The following ASB3 variants were observed in gnomAD, a reference collection of about 807,000 sequenced individuals.
ASB3 encodes ankyrin repeat and SOCS box containing 3.
In ASB3, 41 loss-of-function variants were observed where a neutral mutation model predicts 54.5. The ratio of observed to expected loss-of-function variants is 0.75; its 90% CI spans 0.59 to 0.98. The LOEUF (loss-of-function observed/expected upper bound fraction) is 0.98. ASB3 is among the 50% of genes least tolerant of loss of function. The pLI is 0.00. For synonymous variants in ASB3, 266 were observed against 221.2 expected (o/e 1.20, Z -1.80); for missense variants, 733 against 620.0 (o/e 1.18, Z -1.94).
Position 53,704,656 on chromosome 2 carries a change from C to A in ASB3, c.981-4128G>T, listed in dbSNP as rs561791696. Among the ~76,000 whole-genome samples the A allele has an allele frequency of 3.3e-5, 5 of 152,184 alleles. No homozygotes were observed. In the South Asian group the frequency reaches 1.0e-3, roughly 32 times the overall value. ...CTTGCTTAATTGGAAAAGCTTCATA[C>A]AGAAACTCAAAATGAATAAGTCTCA... On this transcript the variant is annotated intron_variant, in intron 7 of 9. Coordinates refer to ENST00000263634, the MANE Select transcript of ASB3 (RefSeq NM_016115.5).
intron 7 of ASB3, among the ~76,000 whole-genome samples, chr2:53,701,143 T>C (rs1214931844): frequency 6.6e-6 from 1 of 152,158 alleles, no homozygotes; most frequent in Non-Finnish European, 1.5e-5. Flanking sequence ...CTGGCTAATT[T>C]TTAAATTTTT....
At chr2:53,742,256 G>A (rs942863685) in intron 3 of ASB3, among the ~76,000 whole-genome samples, 10 of 152,044 alleles carry the variant, frequency 6.6e-5, no homozygotes, top group African/African-American at 2.4e-4. Flanking sequence ...TGAGTCTAAA[G>A]GAAAACTCCA....
At chr2:53,724,441 T>C (rs1345865854) in intron 5 of ASB3, among the ~76,000 whole-genome samples, 1 of 151,704 alleles carries the variant, frequency 6.6e-6, no homozygotes, top group Non-Finnish European at 1.5e-5. Context: ...CTACTAAAAA[T>C]ACAAAAAATT....
intron 8 of ASB3, 180 bp from the exon 9 acceptor site, chr2:53,694,194 C>A: frequency 1.7e-6 from 1 of 598,658 alleles, no homozygotes; most frequent in Non-Finnish European, 2.7e-6. Flanking sequence ...CAATCATCTA[C>A]AGGTTCCTAT....
At chr2:53,749,259 A>G (rs1016557828) in intron 3 of ASB3, among the ~76,000 whole-genome samples, 1 of 152,056 alleles carries the variant, frequency 6.6e-6, no homozygotes, top group East Asian at 1.9e-4. Flanking sequence ...AGATACTACT[A>G]AACCTCCATT....
chr2:53,714,388 T>C lies in ASB3; in HGVS notation c.976A>G (p.Lys326Glu). The C allele has an allele frequency of 1.9e-6, 3 of 1,614,144 alleles. No homozygotes were observed. Among genetic ancestry groups the C allele is most frequent in the Admixed American group, 3.3e-5 (2 of 60,006 alleles). Residue 326 changes from lysine to glutamate, a missense_variant, in exon 7 of 10, where the codon AAG becomes GAG. Physicochemically the swap from Lys to Glu is moderately conservative, Grantham distance 56. Coordinates refer to ENST00000263634, the MANE Select transcript of ASB3 (RefSeq NM_016115.5). ...FSSPVCMAFQ[K>E]DCEFFGIVNI... ...AAACATAGCAAATATACATACTCCT[T>C]TTGGAAAGCCATGCACACAGGAGAA... is the stretch of plus-strand genomic sequence containing the variant.
chr2:53,750,756 C>T, intron 3 of ASB3, 27 bp downstream of exon 3: 3 of 1,462,450 alleles, frequency 2.1e-6, no homozygotes, highest in Non-Finnish European at 2.7e-6. Flanking sequence ...TGAAAAATTG[C>T]ATCTGCACCA....
At chr2:53,782,354 C>G (rs1275319526) in intron 1 of ASB3, among the ~76,000 whole-genome samples, 1 of 152,036 alleles carries the variant, frequency 6.6e-6, no homozygotes, top group African/African-American at 2.4e-5. Context: ...AAACTGCAGT[C>G]CAGAACACAC....
At chr2:53,742,774 A>T (rs553981944) in intron 3 of ASB3, among the ~76,000 whole-genome samples, 3 of 152,248 alleles carry the variant, frequency 2.0e-5, no homozygotes, top group Admixed American at 2.0e-4. Context: ...ACACAGAGAA[A>T]GAAAAATAGA....
At chr2:53,705,846 T>C (rs1331991522) in intron 7 of ASB3, among the ~76,000 whole-genome samples, 1 of 152,178 alleles carries the variant, frequency 6.6e-6, no homozygotes, top group East Asian at 1.9e-4. Flanking sequence ...TTGTAAATAT[T>C]TGTAAATTAC....
Position 53,708,291 on chromosome 2 carries a change from G to A in ASB3, c.980+6093C>T, listed in dbSNP as rs528681867. ...GCTCCTGCCATGTAAGAAGCAGCCT[G>A]CTCTCACTTCGCCTTCTGCCATGAT... On this transcript the variant is annotated intron_variant, in intron 7 of 9. Transcript: ENST00000263634. 3.3e-5 allele frequency among the ~76,000 whole-genome samples: 5 copies of A among 152,282 alleles called. No homozygotes were observed. The South Asian group carries it at 1.0e-3, about 32-fold the overall frequency.
chr2:53,711,771 CA>C (rs112948336), intron 7 of ASB3, among the ~76,000 whole-genome samples: 78 of 140,704 alleles, frequency 5.5e-4, no homozygotes, highest in Admixed American at 4.3e-4. Flanking sequence ...GAGACAGTCT[CA>C]AAAAAAAAAA....
In ASB3 at chr2:53,714,575, C is replaced by T. The variant is rs1349203568; in HGVS notation, c.789G>A (p.Leu263=). ...GGTTAGTAAGTGGTATTAACAAGTC[C>T]AAGATTCTATAAATACACAAATTCA... is the stretch of plus-strand genomic sequence containing the variant. ...AAAQMGHTKI[L]DLLIPLTNRA... is the part of the protein sequence containing the mutation. Residue 263 remains leucine, a synonymous_variant, in exon 7 of 10, where the codon TTG becomes TTA. Coordinates refer to ENST00000263634, the MANE Select transcript of ASB3 (RefSeq NM_016115.5). 1.1e-5 allele frequency: 18 copies of T among 1,613,590 alleles called. No homozygotes were observed. The highest frequency in any genetic ancestry group is 1.7e-6 in the Non-Finnish European group (2 of 1,179,888).
chr2:53,780,834 A>C (rs1674604656), intron 1 of ASB3, among the ~76,000 whole-genome samples: 1 of 152,238 alleles, frequency 6.6e-6, no homozygotes, highest in Non-Finnish European at 1.5e-5. Context: ...CAAATTACCA[A>C]TTCAAAGTAG....
At chr2:53,750,250 A>G (rs1672444049) in intron 3 of ASB3, among the ~76,000 whole-genome samples, 1 of 152,156 alleles carries the variant, frequency 6.6e-6, no homozygotes, top group South Asian at 2.1e-4. Context: ...AGAAGAAAAA[A>G]GACAGTTATT....
At chr2:53,717,066 G>C (rs985874189) in intron 5 of ASB3, among the ~76,000 whole-genome samples, 13 of 151,994 alleles carry the variant, frequency 8.6e-5, no homozygotes, top group Non-Finnish European at 1.5e-5. Flanking sequence ...AAAATAAAAA[G>C]GTCTTGCCTC....
rs376165085 is a variant in ASB3 at position 53,763,785 on chromosome 2, T to C, written c.196+1592A>G. 1.7e-3 allele frequency among the ~76,000 whole-genome samples: 260 copies of C among 152,368 alleles called. 1 individual carries two copies. Among genetic ancestry groups the C allele is most frequent in the South Asian group, 3.3e-3 (16 of 4,830 alleles). ...GAAAAGGATATTCAAACTCATGTCT[T>C]TGTTACTAAAAATAGTTTGGGAACT... On this transcript the variant is annotated intron_variant, in intron 2 of 9. Coordinates refer to ENST00000263634, the MANE Select transcript of ASB3 (RefSeq NM_016115.5).
At chr2:53,714,362 A>T (rs1295723116) in intron 7 of ASB3, 22 bp downstream of exon 7, 2 of 1,607,076 alleles carry the variant, frequency 1.2e-6, no homozygotes, top group African/African-American at 2.7e-5. Context: ...ATAAAAAATA[A>T]AAACATAGCA....
chr2:53,761,152 T>C (rs192924685), intron 2 of ASB3, among the ~76,000 whole-genome samples: 18 of 152,258 alleles, frequency 1.2e-4, no homozygotes, highest in African/African-American at 3.4e-4. Flanking sequence ...TTCCTAAGCC[T>C]AGCTGGGAAA....
Sources: allele counts gnomAD v4.1 joint callset (sites outside exome capture counted in the v4.1 genomes callset), GRCh38; gene constraint gnomAD v4.1.1; transcripts MANE v1.5; gene names NCBI Gene and HGNC (gene_info 2026-07-23, HGNC 2026-07-21).